The following PTPN22 variants were observed in gnomAD, a reference collection of about 807,000 sequenced individuals.
PTPN22 encodes protein tyrosine phosphatase non-receptor type 22, also known as tyrosine-protein phosphatase non-receptor type 22.
In PTPN22, 85 loss-of-function variants were observed where a neutral mutation model predicts 103.3. That is an observed-to-expected ratio of 0.82 (90% CI 0.69 to 0.99). The LOEUF is 0.99. Ranked by LOEUF, PTPN22 falls within the 50% of genes least tolerant of loss-of-function variation. The probability of loss-of-function intolerance (pLI) is 0.00; values close to 1 mark genes in which losing one functional copy is unlikely to be tolerated. For synonymous variants in PTPN22, 323 were observed against 310.2 expected (o/e 1.04, Z -0.43); for missense variants, 865 against 936.9 (o/e 0.92, Z 1.00).
exon 21 of PTPN22, chr1:113,814,065 C>T (rs1391279809): frequency 6.6e-6 from 1 of 152,202 alleles, no homozygotes; most frequent in East Asian, 1.9e-4. Flanking sequence ...TTATTTACTA[C>T]ATAAAATTAG....
intron 19 of PTPN22, among the ~76,000 whole-genome samples, chr1:113,822,714 C>T (rs1241476769): frequency 6.6e-6 from 1 of 152,176 alleles, no homozygotes; most frequent in African/African-American, 2.4e-5. Context: ...GTAATCCCAG[C>T]ACTTTGGGAG....
At position 113,853,084 on chromosome 1, in the gene PTPN22, A is replaced by G. The variant is rs909472290; in HGVS notation, c.751-980T>C. Among the ~76,000 whole-genome samples the G allele has an allele frequency of 2.0e-5, 3 of 152,118 alleles. No homozygotes were observed. In the South Asian group the frequency reaches 6.2e-4, roughly 32 times the overall value. On this transcript the variant is annotated intron_variant, in intron 9 of 20. Transcript: ENST00000359785. The stretch of plus-strand genomic sequence containing the variant: ...CTCCTGAGTAGCTGGGATAACAGGC[A>G]TGTGCCACCAGGCCCGGCTAATTTT...
At chr1:113,863,735 C>G (rs1244357531) in intron 1 of PTPN22, among the ~76,000 whole-genome samples, 1 of 151,834 alleles carries the variant, frequency 6.6e-6, no homozygotes, top group East Asian at 1.9e-4. Context: ...TTTATAGAAC[C>G]AAGATGTAGC....
chr1:113,814,821 A>G, exon 21 of PTPN22: 1 of 1,030,644 alleles, frequency 9.7e-7, no homozygotes, highest in South Asian at 1.3e-5. Context: ...ATGCATATAG[A>G]GCACTTATTT....
intron 11 of PTPN22, among the ~76,000 whole-genome samples, chr1:113,845,478 C>T (rs1470387701): frequency 2.0e-5 from 3 of 152,088 alleles, no homozygotes; most frequent in African/African-American, 7.2e-5. Flanking sequence ...GCTGGGATTA[C>T]AGGTGTGAGC....
chr1:113,852,975 G>T (rs1435256653), intron 9 of PTPN22, among the ~76,000 whole-genome samples: 2 of 152,128 alleles, frequency 1.3e-5, no homozygotes, highest in Admixed American at 1.3e-4. Flanking sequence ...TTTCACTCTT[G>T]CTGCCCAGGC....
At chr1:113,863,084 G>A (rs1665759581) in intron 1 of PTPN22, among the ~76,000 whole-genome samples, 1 of 152,026 alleles carries the variant, frequency 6.6e-6, no homozygotes, top group African/African-American at 2.4e-5. Flanking sequence ...AGAAATGTGT[G>A]TGTTGTTGGT....
intron 18 of PTPN22, among the ~76,000 whole-genome samples, chr1:113,826,709 G>A (rs1258057406): frequency 1.8e-5 from 2 of 108,158 alleles, no homozygotes; most frequent in African/African-American, 3.7e-5. Flanking sequence ...TCGCTCTGTC[G>A]CCCAGGCTGG....
At chr1:113,846,584 C>T (rs1317290877) in intron 11 of PTPN22, among the ~76,000 whole-genome samples, 2 of 152,138 alleles carry the variant, frequency 1.3e-5, no homozygotes, top group African/African-American at 4.8e-5. Flanking sequence ...TTTCTTCCTT[C>T]TTTCATCATT....
At chr1:113,852,047 G>C (rs772970587) in exon 10 of PTPN22, 5 of 1,610,084 alleles carry the variant, frequency 3.1e-6, no homozygotes, top group Non-Finnish European at 4.2e-6. Flanking sequence ...ACTAATGAAG[G>C]CCTCTGTGTC....
At chr1:113,825,112 C>T (rs747773780) in intron 19 of PTPN22, 30 bp downstream of exon 19, 21 of 1,416,380 alleles carry the variant, frequency 1.5e-5, no homozygotes, top group African/African-American at 2.9e-5. Context: ...ATTGAGAAAA[C>T]GATATTTTTA....
intron 11 of PTPN22, among the ~76,000 whole-genome samples, chr1:113,842,131 G>A (rs1255304297): frequency 6.6e-6 from 1 of 152,012 alleles, no homozygotes; most frequent in African/African-American, 2.4e-5. Context: ...ATCACTTAAG[G>A]CCCAAGAGTT....
intron 11 of PTPN22, among the ~76,000 whole-genome samples, chr1:113,842,268 G>C (rs12090627): frequency 3.3e-5 from 5 of 152,042 alleles, no homozygotes; most frequent in Non-Finnish European, 7.4e-5. Flanking sequence ...TTTTTCCAAA[G>C]AGGATATACA....
At chr1:113,819,639 C>A (rs1353365180) in exon 20 of PTPN22, 2 of 1,594,382 alleles carry the variant, frequency 1.3e-6, no homozygotes, top group African/African-American at 1.3e-5. Flanking sequence ...GTTTGGTGGG[C>A]AAGAATTACA....
At chr1:113,840,260 T>C (rs1461365676) in intron 11 of PTPN22, among the ~76,000 whole-genome samples, 2 of 151,536 alleles carry the variant, frequency 1.3e-5, no homozygotes, top group Non-Finnish European at 2.9e-5. Context: ...GAAGTAAAAT[T>C]ATCTCTAGTC....
chr1:113,824,059 G>A (rs560280434), intron 19 of PTPN22, among the ~76,000 whole-genome samples: 43 of 151,406 alleles, frequency 2.8e-4, no homozygotes, highest in Middle Eastern at 3.5e-3. Context: ...CTCTTTCACT[G>A]ATTAACCAAA....
At chr1:113,854,265 G>A (rs559530274) in intron 9 of PTPN22, among the ~76,000 whole-genome samples, 2 of 152,306 alleles carry the variant, frequency 1.3e-5, no homozygotes, top group South Asian at 2.1e-4. Context: ...CAAGTTCTCA[G>A]GTGATGCTGA....
chr1:113,819,694 ACAGACT>A (rs529960388), intron 19 of PTPN22, 40 bp from the exon 20 acceptor site: 2 of 1,383,960 alleles, frequency 1.4e-6, no homozygotes, highest in Non-Finnish European at 2.0e-6. Context: ...AAGACTAAAG[ACAGACT>A]CAGATGACTG....
At chr1:113,852,219 G>GA (rs1664628639) in intron 9 of PTPN22, 115 bp from the exon 10 acceptor site, 2 of 687,460 alleles carry the variant, frequency 2.9e-6, no homozygotes, top group East Asian at 5.7e-5. Context: ...GGTAATATCA[G>GA]AAAAATGATG....
Sources: gnomAD v4.1 joint callset for allele counts (sites outside exome capture counted in the v4.1 genomes callset) on GRCh38, gnomAD v4.1.1 for gene constraint, MANE v1.5 for transcripts, NCBI Gene and HGNC (gene_info 2026-07-23, HGNC 2026-07-21) for gene names.